Variants in TRPM3 observed in about 807,000 individuals in gnomAD.
The protein encoded by TRPM3 is transient receptor potential cation channel subfamily M member 3.
TRPM3 carries 77 observed loss-of-function variants against 181.2 expected under a neutral mutation model. The observed-to-expected ratio is 0.42, with a 90% CI of 0.35 to 0.51. The LOEUF is 0.51. Ranked by LOEUF, TRPM3 falls within the 20% of genes least tolerant of loss-of-function variation. The pLI, the probability that TRPM3 is intolerant of heterozygous loss-of-function variation, is 0.01. For synonymous variants in TRPM3, 745 were observed against 796.4 expected (o/e 0.94, Z 1.09); for missense variants, 1,759 against 2,196.7 (o/e 0.80, Z 3.98).
At chr9:70,654,174 ATC>A (rs1225237522) in intron 9 of TRPM3, among the ~76,000 whole-genome samples, 1 of 152,038 alleles carries the variant, frequency 6.6e-6, no homozygotes, top group African/African-American at 2.4e-5. Context: ...CCCAAAATTA[ATC>A]TCAGTTCAGC....
intron 1 of TRPM3, among the ~76,000 whole-genome samples, chr9:71,312,137 C>T (rs1479822752): frequency 6.6e-6 from 1 of 152,102 alleles, no homozygotes; most frequent in African/African-American, 2.4e-5. Context: ...AGACAAGACA[C>T]AGATTTGAAG....
chr9:70,995,709 G>C (rs1351503990), intron 1 of TRPM3, among the ~76,000 whole-genome samples: 1 of 152,082 alleles, frequency 6.6e-6, no homozygotes, highest in Admixed American at 6.6e-5. Context: ...CTTTCCAGAC[G>C]TATGGGCAAG....
At chr9:70,647,979 G>A (rs185640352) in intron 9 of TRPM3, among the ~76,000 whole-genome samples, 1 of 152,156 alleles carries the variant, frequency 6.6e-6, no homozygotes, top group Non-Finnish European at 1.5e-5. Context: ...GGAATACCTA[G>A]CAAACAAGGG....
At chr9:70,633,178 T>C (rs2066210648) in intron 12 of TRPM3, among the ~76,000 whole-genome samples, 1 of 152,154 alleles carries the variant, frequency 6.6e-6, no homozygotes, top group Admixed American at 6.5e-5. Flanking sequence ...GGACAGAGAT[T>C]AACTTAAGGT....
chr9:70,570,229 TG>T lies in TRPM3; in HGVS notation c.3224-16920del, dbSNP rs1343326444. On this transcript the variant is annotated intron_variant, in intron 22 of 25. Transcript: ENST00000677713. ...ATTAAAAAAATCTATAATTCAGATTTGGTTTTTTTTTTTGCTAATTCCAGAT... is the reference window on the plus strand; with the variant it reads ...ATTAAAAAAATCTATAATTCAGATTTGTTTTTTTTTTTGCTAATTCCAGAT... 6.1e-3 allele frequency among the ~76,000 whole-genome samples: 280 copies of T among 45,686 alleles called. 3 individuals are homozygous for T. The highest frequency in any genetic ancestry group is 0.016 in the African/African-American group (255 of 15,512). The allele number at this position is 45,686 out of a possible 152,430, so 30.0% of individuals were successfully genotyped here.
chr9:71,173,037 C>A (rs939799779), intron 1 of TRPM3, among the ~76,000 whole-genome samples: 1 of 152,106 alleles, frequency 6.6e-6, no homozygotes, highest in Non-Finnish European at 1.5e-5. Context: ...TTTTTTCCCA[C>A]AACTCATAAA....
intron 8 of TRPM3, among the ~76,000 whole-genome samples, chr9:70,746,798 G>C (rs1054623994): frequency 1.3e-5 from 2 of 152,102 alleles, no homozygotes; most frequent in African/African-American, 4.8e-5. Flanking sequence ...AGGATCCCAG[G>C]GCTCAATGCA....
chr9:70,590,795 C>T (rs2057985270), intron 22 of TRPM3, among the ~76,000 whole-genome samples: 1 of 152,118 alleles, frequency 6.6e-6, no homozygotes, highest in Admixed American at 6.5e-5. Context: ...ATTTGGTATA[C>T]CAGATGTCGA....
chr9:71,278,094 G>C (rs1488287183), intron 1 of TRPM3, among the ~76,000 whole-genome samples: 2 of 152,208 alleles, frequency 1.3e-5, no homozygotes, highest in African/African-American at 4.8e-5. Context: ...TTAAGCAGTA[G>C]AAATAACTGC....
Position 70,784,216 on chromosome 9 carries a change from A to G in TRPM3, c.1037T>C (p.Ile346Thr). ...IVEGGPNVISIVLEYLRDTPP... is the reference protein window; with the variant it reads ...IVEGGPNVISTVLEYLRDTPP... ...GGTGTCTCGAAGGTACTCCAAAACA[A>G]TCGAGATCACATTGGGTCCTCCTTC... The change falls in exon 7 of 26, where the codon ATT becomes ACT. Residue 346 changes from isoleucine to threonine, a missense_variant. Ile to Thr is a moderately conservative substitution (Grantham distance 89, BLOSUM62 -1). Around this residue, in one of 8 missense-constraint regions of TRPM3, gnomAD observed 737 missense variants for 957.4 expected, o/e 0.77. Transcript: ENST00000677713. 6.2e-7 allele frequency: 1 copy of G among 1,613,712 alleles called. No individual in the cohort carries two copies. The highest frequency in any genetic ancestry group is 8.5e-7 in the Non-Finnish European group (1 of 1,179,774).
Position 71,335,243 on chromosome 9 carries a change from G to A in TRPM3, c.183+111410C>T, listed in dbSNP as rs1349974697. 2.6e-5 allele frequency among the ~76,000 whole-genome samples: 4 copies of A among 152,132 alleles called. No individual in the cohort carries two copies. In the South Asian group the frequency reaches 6.2e-4, roughly 24 times the overall value. On this transcript the variant is annotated intron_variant, in intron 1 of 24. Coordinates refer to the TRPM3 transcript ENST00000357533. ...CAAGATTTTCTATTTAGCATTGACT[G>A]ACTATTACAGATTTCAGTAACCCTA... is the stretch of plus-strand genomic sequence containing the variant.
At chr9:71,197,043 C>A (rs935456405) in intron 1 of TRPM3, among the ~76,000 whole-genome samples, 2 of 152,100 alleles carry the variant, frequency 1.3e-5, no homozygotes, top group Admixed American at 6.5e-5. Context: ...ACAAGAGTCC[C>A]CAGAGTGTGA....
chr9:71,297,994 C>T (rs2086437652), intron 1 of TRPM3, among the ~76,000 whole-genome samples: 1 of 151,892 alleles, frequency 6.6e-6, no homozygotes, highest in African/African-American at 2.4e-5. Flanking sequence ...ACTTTATAAA[C>T]ATAGCATCAA....
rs150184160 is a variant in TRPM3 at position 71,050,488 on chromosome 9, G to C, written c.177+70690C>G. On this transcript the variant is annotated intron_variant, in intron 1 of 25. Coordinates refer to ENST00000677713, the MANE Select transcript of TRPM3 (RefSeq NM_001366145.2). ...GAAATCACAAGAAAACCAAAGTAAT[G>C]AGTGGGCATCTCTCAGATTACTGAA... Among the ~76,000 whole-genome samples the C allele has an allele frequency of 1.7e-3, 264 of 152,244 alleles. 2 individuals are homozygous for C. Among genetic ancestry groups the C allele is most frequent in the African/African-American group, 6.2e-3 (258 of 41,552 alleles).
rs574959284 is a variant in TRPM3, at chr9:70,984,539, T to C, written c.178-120028A>G. 5.3e-5 allele frequency among the ~76,000 whole-genome samples: 8 copies of C among 152,312 alleles called. No individual in the cohort carries two copies. In the East Asian group the frequency reaches 1.5e-3, roughly 29 times the overall value. On this transcript the variant is annotated intron_variant, in intron 1 of 25. Transcript: ENST00000677713. ...TTTTATATAGTTCTAACTGGATTCATTAAAATAAAAGCTACTGGGATTAGC... is the reference window on the plus strand; with the variant it reads ...TTTTATATAGTTCTAACTGGATTCACTAAAATAAAAGCTACTGGGATTAGC...
intron 3 of TRPM3, among the ~76,000 whole-genome samples, chr9:70,860,913 C>A (rs979888491): frequency 1.3e-5 from 2 of 152,162 alleles, no homozygotes; most frequent in Admixed American, 6.5e-5. Flanking sequence ...ACCATTTATA[C>A]AACAGAATAC....
intron 1 of TRPM3, among the ~76,000 whole-genome samples, chr9:71,402,589 A>T (rs867367832): frequency 2.6e-4 from 40 of 152,204 alleles, no homozygotes; most frequent in African/African-American, 9.4e-4. Flanking sequence ...ACATCACTAA[A>T]TTTAAAATTG....
At chr9:71,058,077 A>T (rs2060872258) in intron 1 of TRPM3, among the ~76,000 whole-genome samples, 1 of 152,050 alleles carries the variant, frequency 6.6e-6, no homozygotes. Flanking sequence ...AATGCACTAG[A>T]AATTGCTACC....
intron 1 of TRPM3, among the ~76,000 whole-genome samples, chr9:71,139,471 T>C (rs2074969291): frequency 6.6e-6 from 1 of 152,204 alleles, no homozygotes. Context: ...CTTCTCATGT[T>C]TGGTAATTTT....
Sources: gnomAD v4.1 joint callset for allele counts (sites outside exome capture counted in the v4.1 genomes callset) on GRCh38, gnomAD v4.1.1 for gene constraint, gnomAD v4.1.1 regional missense constraint, MANE v1.5 for transcripts, NCBI Gene and HGNC (gene_info 2026-07-23, HGNC 2026-07-21) for gene names.